The following LRRC7 variants were observed in gnomAD, a reference collection of about 807,000 sequenced individuals.
LRRC7 encodes the protein leucine-rich repeat-containing protein 7.
In LRRC7, 23 loss-of-function variants were observed where a neutral mutation model predicts 175.7. That is an observed-to-expected ratio of 0.13 (90% CI 0.09 to 0.19). The LOEUF (loss-of-function observed/expected upper bound fraction) is 0.19. Ranked by LOEUF, LRRC7 falls within the 10% of genes least tolerant of loss-of-function variation. LRRC7 has a pLI of 1.00. For synonymous variants in LRRC7, 685 were observed against 680.9 expected, an observed-to-expected ratio of 1.01 and a Z score of -0.09; for missense variants, 1,354 against 1,904.7, an observed-to-expected ratio of 0.71 and a Z score of 5.38.
chr1:69,649,483 T>C (rs800927), intron 1 of LRRC7, among the ~76,000 whole-genome samples: 403 of 152,294 alleles, frequency 2.6e-3, no homozygotes, highest in African/African-American at 9.1e-3. Context: ...TGAAGATTTG[T>C]GTATGACATA....
At chr1:69,912,167 A>G (rs1027062837) in intron 7 of LRRC7, among the ~76,000 whole-genome samples, 13 of 152,184 alleles carry the variant, frequency 8.5e-5, no homozygotes, top group African/African-American at 2.9e-4. Context: ...CAACGATTGT[A>G]CATAAATATT....
chr1:69,656,107 T>A (rs942025028), intron 1 of LRRC7, among the ~76,000 whole-genome samples: 2 of 152,014 alleles, frequency 1.3e-5, no homozygotes, highest in African/African-American at 4.8e-5. Context: ...AGATTTGATA[T>A]ACACAGAAAT....
intron 4 of LRRC7, among the ~76,000 whole-genome samples, chr1:69,799,100 T>G (rs894868720): frequency 8.0e-5 from 9 of 111,982 alleles, no homozygotes; most frequent in African/African-American, 1.2e-4. Context: ...CTCTGAATGC[T>G]AGTTTTTTTT....
chr1:70,074,523 A>G (rs17131178), intron 23 of LRRC7, among the ~76,000 whole-genome samples: 23,395 of 152,222 alleles, frequency 0.15, 2,874 homozygotes, highest in African/African-American at 0.33. Flanking sequence ...TAGATCTGTA[A>G]TCACTGGATA....
intron 7 of LRRC7, among the ~76,000 whole-genome samples, chr1:69,928,475 TG>T (rs1647164420): frequency 1.3e-5 from 2 of 152,250 alleles, no homozygotes. Context: ...TTGAGCTTCA[TG>T]GCTGCTTTGT....
intron 7 of LRRC7, among the ~76,000 whole-genome samples, chr1:69,882,961 G>T (rs1686787348): frequency 6.6e-6 from 1 of 151,852 alleles, no homozygotes; most frequent in Non-Finnish European, 1.5e-5. Context: ...TTTTATGGCT[G>T]CATAGTATTC....
intron 11 of LRRC7, among the ~76,000 whole-genome samples, chr1:69,999,901 G>A (rs553742600): frequency 6.6e-6 from 1 of 152,148 alleles, no homozygotes; most frequent in Non-Finnish European, 1.5e-5. Flanking sequence ...TAAAGTTCCT[G>A]TTCCACTTCC....
At chr1:69,873,000 G>T (rs993907149) in intron 7 of LRRC7, among the ~76,000 whole-genome samples, 1 of 152,120 alleles carries the variant, frequency 6.6e-6, no homozygotes, top group African/African-American at 2.4e-5. Flanking sequence ...TTCAGAGAGT[G>T]TAGGGGACAT....
chr1:69,801,692 TTTG>T (rs1371710827), intron 4 of LRRC7, among the ~76,000 whole-genome samples: 5 of 151,610 alleles, frequency 3.3e-5, no homozygotes, highest in Non-Finnish European at 1.5e-5. Context: ...TTGTATTGTT[TTTG>T]TTGTTGTTCT....
In LRRC7 at chr1:69,743,555, A is replaced by C. The variant is rs376009501; in HGVS notation, c.101-16636A>C. Among the ~76,000 whole-genome samples, 187 of 152,128 alleles carry C rather than the reference A, an allele frequency of 1.2e-3. 1 individual carries two copies. Among genetic ancestry groups the C allele is most frequent in the African/African-American group, 4.3e-3 (177 of 41,552 alleles). ...AGAAGACAACGTCCAACATTCCAGCATTGTTAAAAAAGGAGGAGCCACATT... is the reference window on the plus strand; with the variant it reads ...AGAAGACAACGTCCAACATTCCAGCCTTGTTAAAAAAGGAGGAGCCACATT... On this transcript the variant is annotated intron_variant, in intron 2 of 26. Coordinates refer to ENST00000651989, the MANE Select transcript of LRRC7 (RefSeq NM_001370785.2).
At chr1:69,976,195 A>T (rs1652800598) in intron 8 of LRRC7, among the ~76,000 whole-genome samples, 1 of 152,166 alleles carries the variant, frequency 6.6e-6, no homozygotes, top group Non-Finnish European at 1.5e-5. Flanking sequence ...TTTATTAAGT[A>T]GTATTAACTC....
chr1:69,696,775 A>G (rs1050759083), intron 2 of LRRC7, among the ~76,000 whole-genome samples: 45 of 151,918 alleles, frequency 3.0e-4, no homozygotes, highest in Non-Finnish European at 3.8e-4. Flanking sequence ...TCTTGCTTCC[A>G]CTCGTCATGT....
At chr1:69,669,899 C>G (rs575733617) in intron 1 of LRRC7, among the ~76,000 whole-genome samples, 3 of 152,226 alleles carry the variant, frequency 2.0e-5, no homozygotes, top group African/African-American at 7.2e-5. Context: ...TTGGATTTTT[C>G]AATTCCAGAA....
rs538477464 is a variant in LRRC7 at position 69,854,694 on chromosome 1, A to G, written c.647+16411A>G. Among the ~76,000 whole-genome samples the G allele has an allele frequency of 1.1e-4, 16 of 152,280 alleles. No homozygotes were observed. In the South Asian group the frequency reaches 3.1e-3, roughly 30 times the overall value. On this transcript the variant is annotated intron_variant, in intron 7 of 26. Coordinates refer to ENST00000651989, the MANE Select transcript of LRRC7 (RefSeq NM_001370785.2). ...GTAAAAATGAGTATTCCTTTGGGGG[A>G]AAAACAGCTGTTAGATGAGCTGTTC...
At chr1:69,616,212 A>T (rs1649590062) in intron 1 of LRRC7, among the ~76,000 whole-genome samples, 1 of 152,056 alleles carries the variant, frequency 6.6e-6, no homozygotes, top group African/African-American at 2.4e-5. Context: ...AATAAAATTT[A>T]ATGTCAATTT....
chr1:69,954,479 C>A (rs1650286920), intron 8 of LRRC7, among the ~76,000 whole-genome samples: 1 of 151,974 alleles, frequency 6.6e-6, no homozygotes, highest in Non-Finnish European at 1.5e-5. Flanking sequence ...CTTCATGGCA[C>A]ATGTAGAAAC....
At chr1:69,952,800 C>A (rs1650073680) in intron 8 of LRRC7, among the ~76,000 whole-genome samples, 1 of 151,710 alleles carries the variant, frequency 6.6e-6, no homozygotes, top group African/African-American at 2.4e-5. Flanking sequence ...ATAGAGAAAA[C>A]CCTAGTGGTG....
intron 7 of LRRC7, chr1:69,919,696 C>G (rs1570653388): frequency 1.0e-6 from 1 of 985,538 alleles, no homozygotes; most frequent in African/African-American, 1.6e-5. Context: ...GCAGCTCGGC[C>G]AAGGCCAGGG....
intron 22 of LRRC7, among the ~76,000 whole-genome samples, chr1:70,050,488 T>G (rs973521127): frequency 6.6e-6 from 1 of 152,092 alleles, no homozygotes; most frequent in African/African-American, 2.4e-5. Context: ...GATGATTTTC[T>G]GTGTTATTAT....
Sources: allele counts gnomAD v4.1 joint callset (sites outside exome capture counted in the v4.1 genomes callset), GRCh38; gene constraint gnomAD v4.1.1; transcripts MANE v1.5; gene names NCBI Gene and HGNC (gene_info 2026-07-23, HGNC 2026-07-21).